The following BPIFC variants were observed in gnomAD, a reference collection of about 807,000 sequenced individuals.
BPIFC encodes BPI fold containing family C.
BPIFC carries 60 observed loss-of-function variants against 57.6 expected under a neutral mutation model. The ratio of observed to expected loss-of-function variants is 1.04; its 90% confidence interval spans 0.85 to 1.29. The LOEUF is 1.29. Ranked by LOEUF, BPIFC falls within the 50% of genes most tolerant of loss-of-function variation. The pLI, the probability that BPIFC is intolerant of heterozygous loss-of-function variation, is 0.00. For synonymous variants in BPIFC, 243 were observed against 224.5 expected (o/e 1.08, Z -0.74); for missense variants, 581 against 600.5 (o/e 0.97, Z 0.34).
chr22:32,426,673 C>T (rs1934076111), intron 13 of BPIFC, among the ~76,000 whole-genome samples: 1 of 152,044 alleles, frequency 6.6e-6, no homozygotes, highest in Non-Finnish European at 1.5e-5. Context: ...GGGTGGATCA[C>T]CTGAGGTCAG....
intron 14 of BPIFC, 29 bp from the exon 15 acceptor site, chr22:32,417,177 T>C (rs780526134): frequency 7.6e-6 from 11 of 1,452,570 alleles, no homozygotes; most frequent in Non-Finnish European, 1.0e-5. Context: ...TAGAATCAAT[T>C]GGCAGATCGG....
intron 8 of BPIFC, among the ~76,000 whole-genome samples, chr22:32,439,439 C>T (rs78086672): frequency 0.026 from 3,886 of 152,216 alleles, 152 homozygotes; most frequent in African/African-American, 0.082. Context: ...TCCTGACCAC[C>T]ATTATGTGTT....
At position 32,461,716 on chromosome 22, in the gene BPIFC, G is replaced by T. The variant is rs1055174849; in HGVS notation, c.-88-55C>A. On this transcript the variant is annotated intron_variant, in intron 1 of 16. Coordinates refer to ENST00000300399, the MANE Select transcript of BPIFC (RefSeq NM_174932.3). ...ATGGGAGTGAGGAGAACACTTCTGG[G>T]ACTCAGGTTAGTGGCTGCTGACCAA... 3.7e-5 allele frequency: 34 copies of T among 910,438 alleles called. No individual in the cohort carries two copies. In the Admixed American group the frequency reaches 2.0e-3, roughly 53 times the overall value. 56.4% of individuals were successfully genotyped at this position (910,438 alleles called of 1,614,324 possible).
Position 32,414,297 on chromosome 22 carries a change from C to T in BPIFC, c.*6G>A, listed in dbSNP as rs371568262. ...TTACTTCCTGGGGTGAATTGCAAAC[C>T]GGCAATCAAGGGGCTGACTTCCCCC... On this transcript the variant is annotated 3_prime_UTR_variant, in exon 17 of 17. Transcript: ENST00000300399. The T allele has an allele frequency of 3.7e-5, 60 of 1,612,238 alleles. No individual in the cohort carries two copies. The East Asian group carries it at 4.7e-4, about 13-fold the overall frequency.
At chr22:32,414,687 T>A (rs1933619311) in intron 16 of BPIFC, among the ~76,000 whole-genome samples, 2 of 152,040 alleles carry the variant, frequency 1.3e-5, no homozygotes, top group South Asian at 4.1e-4. Flanking sequence ...CTAATTTTTG[T>A]ATTTTTAGTA....
At position 32,442,714 on chromosome 22, in the gene BPIFC, T is replaced by A; in HGVS notation, c.612A>T (p.Ala204=). The A allele has an allele frequency of 6.2e-7, 1 of 1,613,926 alleles. No individual in the cohort carries two copies. The highest frequency in any genetic ancestry group is 8.5e-7 in the Non-Finnish European group (1 of 1,179,936). The change falls in exon 8 of 17, where the codon GCA becomes GCT. Residue 204 remains alanine (A), a synonymous_variant. Transcript: ENST00000300399. ...TGGCATTTAGCGCTTTGACTTCACT[T>A]GCAATAATGGGACAGAGCTGGCCAC... is the stretch of plus-strand genomic sequence containing the variant. ...NLNEMLCPII[A]SEVKALNANL...
At chr22:32,448,289 T>C (rs762686335) in intron 4 of BPIFC, among the ~76,000 whole-genome samples, 105 of 152,062 alleles carry the variant, frequency 6.9e-4, no homozygotes, top group Non-Finnish European at 1.3e-3. Flanking sequence ...AGGATGGTCT[T>C]GATCTCCTGA....
At position 32,421,076 on chromosome 22, in the gene BPIFC, G is replaced by A. The variant is rs74370082; in HGVS notation, c.1218-1672C>T. Reference sequence around the variant, plus strand: ...ACTTGCTGTAGGTCCAAGTAGAAGGGAGTCCTCCTCCCTGACCCCTCTCCC... The same window carrying A: ...ACTTGCTGTAGGTCCAAGTAGAAGGAAGTCCTCCTCCCTGACCCCTCTCCC... On this transcript the variant is annotated intron_variant, in intron 13 of 16. Transcript: ENST00000300399. Among the ~76,000 whole-genome samples, 499 of 152,260 alleles carry A rather than the reference G, an allele frequency of 3.3e-3. 1 individual carries two copies. The highest frequency in any genetic ancestry group is 6.8e-3 in the Middle Eastern group (2 of 294).
chr22:32,438,153 G>T (rs895993872), intron 8 of BPIFC, among the ~76,000 whole-genome samples: 3 of 152,224 alleles, frequency 2.0e-5, no homozygotes, highest in African/African-American at 4.8e-5. Flanking sequence ...ATGCCTGAAA[G>T]TGTGGACAGT....
chr22:32,454,435 G>A (rs1484572013), intron 3 of BPIFC, among the ~76,000 whole-genome samples: 1 of 151,992 alleles, frequency 6.6e-6, no homozygotes, highest in Non-Finnish European at 1.5e-5. Flanking sequence ...ACTTAATAAC[G>A]ACTGCTTTTG....
At chr22:32,414,570 G>A (rs1933615804) in intron 16 of BPIFC, 145 bp from the exon 17 acceptor site, 7 of 1,043,980 alleles carry the variant, frequency 6.7e-6, no homozygotes, top group Non-Finnish European at 9.3e-6. Context: ...CTGGAGTGTG[G>A]TGGTGCGATC....
At chr22:32,446,360 A>G (rs1320028952) in intron 5 of BPIFC, among the ~76,000 whole-genome samples, 1 of 152,246 alleles carries the variant, frequency 6.6e-6, no homozygotes, top group African/African-American at 2.4e-5. Context: ...GGCATAGATG[A>G]AAAAGTGATG....
At chr22:32,453,624 A>C (rs1215678935) in intron 3 of BPIFC, 121 bp from the exon 4 acceptor site, 3 of 1,261,430 alleles carry the variant, frequency 2.4e-6, no homozygotes, top group Non-Finnish European at 3.1e-6. Flanking sequence ...AGAAAATGGC[A>C]ACCCCACAAA....
At chr22:32,419,224 G>T (rs1018185785) in intron 14 of BPIFC, 138 bp downstream of exon 14, 1 of 878,232 alleles carries the variant, frequency 1.1e-6, no homozygotes, top group Non-Finnish European at 1.7e-6. Context: ...GCTACATAAA[G>T]AATTTCAAAG....
At chr22:32,460,367 TC>T (rs1196174179) in intron 2 of BPIFC, among the ~76,000 whole-genome samples, 1 of 152,176 alleles carries the variant, frequency 6.6e-6, no homozygotes, top group Non-Finnish European at 1.5e-5. Context: ...GTGCACAAAC[TC>T]CCCAACTTAC....
In BPIFC at chr22:32,423,577, G is replaced by GGGGGGTGTGTGT. The variant is rs1556036074; in HGVS notation, c.1218-4174_1218-4173insACACACACCCCC. On this transcript the variant is annotated intron_variant, in intron 13 of 16. Transcript: ENST00000300399. The stretch of plus-strand genomic sequence containing the variant: ...TGCTTGGGAGGAGTTGTAGGGTGTG[G>GGGGGGTGTGTGT]GTGTGTGTGTGTGTGTGTGTGTGTG... Among the ~76,000 whole-genome samples, 17 of 143,262 alleles carry GGGGGGTGTGTGT rather than the reference G, an allele frequency of 1.2e-4. No individual in the cohort carries two copies. The South Asian group carries it at 2.2e-3, about 19-fold the overall frequency. The allele number at this position is 143,262 out of a possible 152,430, so 94.0% of individuals were successfully genotyped here.
At chr22:32,462,493 A>G (rs1935188355) in intron 1 of BPIFC, among the ~76,000 whole-genome samples, 1 of 152,190 alleles carries the variant, frequency 6.6e-6, no homozygotes. Context: ...AACATAATAA[A>G]CCAGAGAAGA....
chr22:32,459,434 CG>C (rs1568962668), intron 2 of BPIFC, among the ~76,000 whole-genome samples: 1 of 151,968 alleles, frequency 6.6e-6, no homozygotes, highest in Non-Finnish European at 1.5e-5. Context: ...GAGGCCGAGG[CG>C]GGTGGATCAC....
intron 14 of BPIFC, 59 bp downstream of exon 14, chr22:32,419,303 A>G (rs563087410): frequency 9.3e-6 from 14 of 1,512,272 alleles, no homozygotes; most frequent in Non-Finnish European, 1.2e-5. Context: ...GCTATTATAT[A>G]TAGTAGGAGA....
Sources: gnomAD v4.1 joint callset for allele counts (sites outside exome capture counted in the v4.1 genomes callset) on GRCh38, gnomAD v4.1.1 for gene constraint, MANE v1.5 for transcripts, NCBI Gene and HGNC (gene_info 2026-07-23, HGNC 2026-07-21) for gene names.